Variants in PTPN22 observed in about 807,000 individuals in gnomAD.
PTPN22 encodes protein tyrosine phosphatase non-receptor type 22.
PTPN22 carries 85 observed loss-of-function variants against 103.3 expected under a neutral mutation model. That is an observed-to-expected ratio of 0.82 (90% CI 0.69 to 0.99). PTPN22 has a LOEUF of 0.99. Ranked by LOEUF, PTPN22 falls within the 50% of genes least tolerant of loss-of-function variation. PTPN22 has a pLI of 0.00. For synonymous variants in PTPN22, 323 were observed against 310.2 expected (o/e 1.04, Z -0.43); for missense variants, 865 against 936.9 (o/e 0.92, Z 1.00).
intron 16 of PTPN22, among the ~76,000 whole-genome samples, chr1:113,831,307 T>G (rs1182930188): frequency 2.6e-5 from 4 of 152,154 alleles, no homozygotes; most frequent in Non-Finnish European, 5.9e-5. Flanking sequence ...ACATTCACAG[T>G]ATTGTACAAC....
intron 18 of PTPN22, among the ~76,000 whole-genome samples, chr1:113,827,484 T>C (rs1662188132): frequency 6.6e-6 from 1 of 152,110 alleles, no homozygotes; most frequent in African/African-American, 2.4e-5. Context: ...ATAAATATAT[T>C]GAGAAAGTCC....
At chr1:113,856,431 T>C (rs1665077204) in exon 7 of PTPN22, 1 of 1,599,650 alleles carries the variant, frequency 6.3e-7, no homozygotes, top group Admixed American at 1.7e-5. Context: ...AGATTTCCTT[T>C]TTTCAGCTTC....
intron 19 of PTPN22, among the ~76,000 whole-genome samples, chr1:113,821,242 C>CAT (rs562959600): frequency 9.4e-4 from 143 of 152,192 alleles, no homozygotes; most frequent in Middle Eastern, 3.4e-3. Context: ...GCACAGATTC[C>CAT]ACACATATAT....
intron 1 of PTPN22, among the ~76,000 whole-genome samples, chr1:113,864,038 G>C (rs1275030961): frequency 6.6e-6 from 1 of 151,638 alleles, no homozygotes; most frequent in East Asian, 1.9e-4. Context: ...GGCTGAGATA[G>C]GAGAGTCACT....
chr1:113,838,099 G>C (rs757630135), exon 13 of PTPN22: 1 of 1,613,956 alleles, frequency 6.2e-7, no homozygotes, highest in Non-Finnish European at 8.5e-7. Flanking sequence ...ATATCTTCCT[G>C]CTGCATTTAC....
chr1:113,836,639 A>G (rs759123669), intron 13 of PTPN22, among the ~76,000 whole-genome samples: 6 of 152,154 alleles, frequency 3.9e-5, no homozygotes, highest in Non-Finnish European at 8.8e-5. Context: ...TTAAGAGTAA[A>G]TTCTGAAGCT....
At chr1:113,832,210 TGG>T in intron 16 of PTPN22, among the ~76,000 whole-genome samples, 1 of 152,180 alleles carries the variant, frequency 6.6e-6, no homozygotes, top group Admixed American at 6.5e-5. Flanking sequence ...GTTTTTGAGA[TGG>T]AGTCTCGCTC....
intron 19 of PTPN22, chr1:113,823,345 T>C (rs1661778956): frequency 1.3e-5 from 2 of 152,302 alleles, no homozygotes; most frequent in South Asian, 2.1e-4. Context: ...TACAGACCAG[T>C]GGGAGATCCA....
chr1:113,864,858 G>A (rs1480054975), intron 1 of PTPN22, among the ~76,000 whole-genome samples: 1 of 151,864 alleles, frequency 6.6e-6, no homozygotes, highest in African/African-American at 2.4e-5. Flanking sequence ...GTTGCAGTGA[G>A]CAGAGATCGT....
chr1:113,867,785 A>T (rs1666237550), intron 1 of PTPN22, among the ~76,000 whole-genome samples: 1 of 152,212 alleles, frequency 6.6e-6, no homozygotes, highest in Admixed American at 6.5e-5. Flanking sequence ...GGCACAGGGA[A>T]AAGACATAAG....
chr1:113,826,397 GGGGAA>G (rs377642114), intron 18 of PTPN22, among the ~76,000 whole-genome samples: 5,987 of 123,056 alleles, frequency 0.049, 200 homozygotes, highest in African/African-American at 0.072. Flanking sequence ...GAAGGGAGAA[GGGGAA>G]GGGAAGGGAA....
At chr1:113,849,037 G>A (rs1204857361) in intron 10 of PTPN22, among the ~76,000 whole-genome samples, 1 of 151,856 alleles carries the variant, frequency 6.6e-6, no homozygotes, top group Non-Finnish European at 1.5e-5. Flanking sequence ...AGAGATAGTG[G>A]TTGGTATATA....
chr1:113,825,665 G>A (rs1481388817), intron 18 of PTPN22, among the ~76,000 whole-genome samples: 2 of 152,164 alleles, frequency 1.3e-5, no homozygotes, highest in African/African-American at 2.4e-5. Context: ...CAGCCTGGGC[G>A]ACAGAGTGAG....
chr1:113,859,536 T>C, intron 1 of PTPN22, 76 bp from the exon 2 acceptor site: 1 of 1,182,834 alleles, frequency 8.5e-7, no homozygotes, highest in East Asian at 2.3e-5. Flanking sequence ...AGCTTTCCTT[T>C]TCCACTGGCA....
rs373963495 is a variant in PTPN22 at position 113,838,527 on chromosome 1, T to C, written c.992+17A>G. 8.7e-6 allele frequency: 14 copies of C among 1,609,320 alleles called. No individual in the cohort carries two copies. The highest frequency in any genetic ancestry group is 1.3e-5 in the African/African-American group (1 of 74,668). The stretch of plus-strand genomic sequence containing the variant: ...GACACAATTAGTCAACATTTAGATA[T>C]ATAAAATTGTACTCACCTTTTTGGT... On this transcript the variant is annotated intron_variant, in intron 12 of 20. Transcript: ENST00000359785.
chr1:113,858,453 G>A, intron 4 of PTPN22, 25 bp downstream of exon 4: 1 of 1,495,832 alleles, frequency 6.7e-7, no homozygotes, highest in Non-Finnish European at 9.1e-7. Flanking sequence ...AGAGAATAAA[G>A]TAACAAAAGC....
At chr1:113,854,630 G>T in intron 8 of PTPN22, 93 bp from the exon 9 acceptor site, 1 of 1,277,334 alleles carries the variant, frequency 7.8e-7, no homozygotes, top group Non-Finnish European at 1.1e-6. Context: ...GCAGATTTGA[G>T]GAAGAAGATA....
chr1:113,852,360 T>C (rs1341929437), intron 9 of PTPN22, among the ~76,000 whole-genome samples: 1 of 152,054 alleles, frequency 6.6e-6, no homozygotes. Context: ...AAACTATAGA[T>C]ATAACGAGGG....
At position 113,825,143 on chromosome 1, in the gene PTPN22, CT is replaced by C; in HGVS notation, c.2279del (p.Lys760ArgfsTer25). 2.0e-6 allele frequency: 3 copies of C among 1,506,074 alleles called. No homozygotes were observed. Among genetic ancestry groups the C allele is most frequent in the Non-Finnish European group, 2.7e-6 (3 of 1,101,066 alleles). The allele number at this position is 1,506,074 out of a possible 1,614,324, so 93.3% of individuals were successfully genotyped here. ...TTTTAAACATAAGTACCAACTTACT[CT>C]TTTTCATGTTTCGCAAAATTTTCAA... On this transcript the variant is annotated frameshift_variant and splice_region_variant, in exon 19 of 21. Transcript: ENST00000359785. LOFTEE classifies it high-confidence loss of function.
Sources: gnomAD v4.1 joint callset for allele counts (sites outside exome capture counted in the v4.1 genomes callset) on GRCh38, gnomAD v4.1.1 for gene constraint, MANE v1.5 for transcripts, NCBI Gene and HGNC (gene_info 2026-07-23, HGNC 2026-07-21) for gene names.